Variants in GJE1 observed in about 807,000 individuals in gnomAD.
The protein encoded by GJE1 is gap junction epsilon-1 protein.
A neutral mutation model predicts 6.2 loss-of-function variants in GJE1; 9 were observed. That is an observed-to-expected ratio of 1.45 (90% confidence interval 0.87 to 2.52). The LOEUF is 2.52. Among genes scored for constraint, GJE1 ranks in the 30% most tolerant of loss-of-function variants. The probability of loss-of-function intolerance (pLI) is 0.00; values close to 1 mark genes in which losing one functional copy is unlikely to be tolerated. For synonymous variants in GJE1, 65 were observed against 30.1 expected, an observed-to-expected ratio of 2.16 and a Z score of -3.80; for missense variants, 190 against 87.7, an observed-to-expected ratio of 2.17 and a Z score of -4.66.
rs921328337 is a variant in GJE1 at position 142,133,717 on chromosome 6, G to T, written c.40-133G>T. 30 of 462,898 alleles carry T rather than the reference G, an allele frequency of 6.5e-5. 2 individuals are homozygous for T. The South Asian group carries it at 8.7e-4, about 13-fold the overall frequency. 28.7% of individuals were successfully genotyped at this position (462,898 alleles called of 1,614,324 possible). A position where few individuals can be genotyped will look rare whatever the true frequency, so the allele number is the denominator to read the frequency against. The stretch of plus-strand genomic sequence containing the variant: ...ATGCAGGAATTATATTTGATTTGAT[G>T]ATCTCTAAGGGTCTATTTGGCTTCA... On this transcript the variant is annotated intron_variant, in intron 1 of 2. Coordinates refer to ENST00000450456, the Ensembl canonical transcript of GJE1.
intron 1 of GJE1, 95 bp downstream of exon 1, chr6:142,133,292 C>A: frequency 2.0e-6 from 1 of 506,910 alleles, no homozygotes; most frequent in South Asian, 3.3e-5. Context: ...TTCTCTACAT[C>A]TATGGAGAAT....
chr6:142,134,621 T>G, exon 3 of GJE1: 1 of 681,658 alleles, frequency 1.5e-6, no homozygotes, highest in Non-Finnish European at 2.6e-6. Flanking sequence ...CAAGAATGCA[T>G]TCTTCAAAAG....
At chr6:142,133,092 A>G in exon 1 of GJE1, 1 of 608,842 alleles carries the variant, frequency 1.6e-6, no homozygotes, top group East Asian at 2.8e-5. Context: ...TGATTCTGGC[A>G]GAAGCAAACT....
chr6:142,134,295 A>G (rs1249044403), intron 2 of GJE1, among the ~76,000 whole-genome samples: 3 of 152,316 alleles, frequency 2.0e-5, no homozygotes. Context: ...GTCTAATAAA[A>G]TAAACTACTT....
intron 1 of GJE1, 27 bp downstream of exon 1, chr6:142,133,224 A>G: frequency 1.5e-6 from 1 of 645,360 alleles, no homozygotes; most frequent in Non-Finnish European, 2.8e-6. Context: ...CAAAAAATCA[A>G]TTGTATGAGT....
chr6:142,133,761 A>G (rs182768506), intron 1 of GJE1, 89 bp from the exon 2 acceptor site: 31 of 525,452 alleles, frequency 5.9e-5, no homozygotes, highest in Middle Eastern at 6.3e-4. Context: ...TGACTCTTAC[A>G]TTTTTTAAAT....
exon 2 of GJE1, chr6:142,133,943 G>A (rs757693067): frequency 1.4e-6 from 1 of 702,488 alleles, no homozygotes; most frequent in Non-Finnish European, 2.6e-6. Flanking sequence ...TGCAGTTTAT[G>A]GGAATGAGGC....
chr6:142,133,159 A>T, exon 1 of GJE1: 2 of 679,492 alleles, frequency 2.9e-6, no homozygotes, highest in East Asian at 5.4e-5. Context: ...CTCCTGAGAC[A>T]TGTCTCTAAA....
chr6:142,133,175 T>C (rs1778175512), exon 1 of GJE1: 1 of 685,938 alleles, frequency 1.5e-6, no homozygotes. Context: ...CTAAATTACA[T>C]CAAAAACTTC....
At chr6:142,134,804 T>C (rs1322282669) in exon 3 of GJE1, 1 of 678,602 alleles carries the variant, frequency 1.5e-6, no homozygotes, top group Non-Finnish European at 2.6e-6. Flanking sequence ...CCAGAACACT[T>C]TGAAAAAACC....
chr6:142,134,170 T>C, intron 2 of GJE1, 126 bp downstream of exon 2: 1 of 496,394 alleles, frequency 2.0e-6, no homozygotes, highest in Non-Finnish European at 3.6e-6. Flanking sequence ...TTTCTTTAAT[T>C]AGCTGTATAT....
exon 3 of GJE1, chr6:142,134,634 T>C: frequency 1.5e-6 from 1 of 688,104 alleles, no homozygotes; most frequent in Non-Finnish European, 2.6e-6. Context: ...TTCAAAAGCC[T>C]ATCTACACTA....
At chr6:142,135,052 G>GTGC (rs1209911962) in exon 3 of GJE1, 5 of 426,814 alleles carry the variant, frequency 1.2e-5, no homozygotes, top group African/African-American at 2.0e-5. Flanking sequence ...ATAAAATATA[G>GTGC]TGCCTGGTTG....
exon 3 of GJE1, chr6:142,134,699 G>C: frequency 1.4e-6 from 1 of 694,360 alleles, no homozygotes; most frequent in Non-Finnish European, 2.6e-6. Context: ...ATAGCATTCT[G>C]GCTTCAGATT....
At chr6:142,134,767 G>A (rs1482848359) in exon 3 of GJE1, 1 of 690,874 alleles carries the variant, frequency 1.4e-6, no homozygotes, top group East Asian at 2.7e-5. Flanking sequence ...ATCTCTTGGG[G>A]AAAACATGAT....
intron 2 of GJE1, 81 bp from the exon 3 acceptor site, chr6:142,134,458 T>TG (rs1778208847): frequency 2.2e-6 from 1 of 458,828 alleles, no homozygotes; most frequent in African/African-American, 2.0e-5. Context: ...TGAGAGTTAG[T>TG]GGGGTTTTTT....
At chr6:142,133,079 GTT>G (rs1778173291), upstream of GJE1, 2 of 589,016 alleles carry the variant, frequency 3.4e-6, no homozygotes, top group African/African-American at 3.7e-5. Flanking sequence ...GAATGTAAGA[GTT>G]TGATTCTGGC....
At chr6:142,133,374 G>A (rs909218291) in intron 1 of GJE1, among the ~76,000 whole-genome samples, 177 bp downstream of exon 1, 5 of 152,142 alleles carry the variant, frequency 3.3e-5, no homozygotes, top group African/African-American at 1.2e-4. Flanking sequence ...TTCAGGAAGT[G>A]TCTTTAGATG....
chr6:142,133,928 G>C (rs986905946), exon 2 of GJE1: 8 of 702,442 alleles, frequency 1.1e-5, no homozygotes, highest in South Asian at 7.4e-5. Flanking sequence ...CGGGGTGCTA[G>C]GCTTTGCAGT....
Sources: gnomAD v4.1 joint callset for allele counts (sites outside exome capture counted in the v4.1 genomes callset) on GRCh38, gnomAD v4.1.1 for gene constraint, MANE v1.5 for transcripts, NCBI Gene and HGNC (gene_info 2026-07-23, HGNC 2026-07-21) for gene names.